Variants in MALRD1 observed in about 807,000 individuals in gnomAD.
The protein encoded by MALRD1 is MAM and LDL-receptor class A domain-containing protein 1.
Under a neutral mutation model 242.1 loss-of-function variants are expected in MALRD1, and 247 were observed. The observed-to-expected ratio is 1.02, with a 90% CI of 0.92 to 1.13. The LOEUF (loss-of-function observed/expected upper bound fraction) is 1.13, where lower values mean the gene tolerates loss of function less well. MALRD1 is among the 50% of genes most tolerant of loss of function. The probability of loss-of-function intolerance (pLI) is 0.00; values close to 1 mark genes in which losing one functional copy is unlikely to be tolerated. For synonymous variants in MALRD1, 995 were observed against 866.6 expected (o/e 1.15, Z -2.60); for missense variants, 2,989 against 2,533.1 (o/e 1.18, Z -3.86).
At chr10:19,411,053 C>T (rs1833259389) in intron 28 of MALRD1, among the ~76,000 whole-genome samples, 1 of 152,010 alleles carries the variant, frequency 6.6e-6, no homozygotes, top group African/African-American at 2.4e-5. Flanking sequence ...AATATGAAAT[C>T]TGCGACTTTT....
chr10:19,103,237 G>GAGGATGAC (rs1836332661), intron 4 of MALRD1, among the ~76,000 whole-genome samples: 1 of 152,124 alleles, frequency 6.6e-6, no homozygotes, highest in Non-Finnish European at 1.5e-5. Context: ...AGGTTAGCAT[G>GAGGATGAC]AGGATGACAT....
At chr10:19,432,767 A>C (rs74118947) in intron 28 of MALRD1, among the ~76,000 whole-genome samples, 1 of 152,338 alleles carries the variant, frequency 6.6e-6, no homozygotes, top group African/African-American at 2.4e-5. Context: ...TTTGAAGAGA[A>C]AAAGCCAATC....
chr10:19,576,133 A>T (rs77542340), intron 33 of MALRD1, among the ~76,000 whole-genome samples: 1 of 152,252 alleles, frequency 6.6e-6, no homozygotes, highest in African/African-American at 2.4e-5. Context: ...GAGGTTGACA[A>T]CATTCAAGGG....
At chr10:19,060,472 C>T (rs1834791133) in intron 1 of MALRD1, among the ~76,000 whole-genome samples, 2 of 152,056 alleles carry the variant, frequency 1.3e-5, no homozygotes. Flanking sequence ...AATCTACCTC[C>T]TGCAAAGTCA....
At chr10:19,149,171 A>G (rs1833845952) in intron 11 of MALRD1, among the ~76,000 whole-genome samples, 2 of 151,818 alleles carry the variant, frequency 1.3e-5, no homozygotes, top group South Asian at 4.1e-4. Flanking sequence ...GCTGGAGTGC[A>G]GTGGTGTGAT....
At chr10:19,668,151 G>A (rs1278431684) in intron 36 of MALRD1, among the ~76,000 whole-genome samples, 2 of 152,082 alleles carry the variant, frequency 1.3e-5, no homozygotes, top group African/African-American at 2.4e-5. Context: ...AGATACAAAC[G>A]TTCAGACCAT....
intron 38 of MALRD1, chr10:19,728,530 A>C (rs1464735361): frequency 6.6e-6 from 1 of 152,096 alleles, no homozygotes; most frequent in Non-Finnish European, 1.5e-5. Flanking sequence ...ACTGACGGCC[A>C]AGCTGGTCCC....
intron 26 of MALRD1, among the ~76,000 whole-genome samples, chr10:19,356,242 A>G (rs776625261): frequency 6.6e-6 from 1 of 152,058 alleles, no homozygotes; most frequent in Non-Finnish European, 1.5e-5. Flanking sequence ...TCTATATGTA[A>G]ATCTGTAACT....
intron 26 of MALRD1, among the ~76,000 whole-genome samples, chr10:19,364,609 A>G (rs1402193406): frequency 1.3e-5 from 2 of 152,124 alleles, no homozygotes; most frequent in African/African-American, 4.8e-5. Flanking sequence ...AGTTAAATGA[A>G]AACCAAAAAT....
intron 2 of MALRD1, among the ~76,000 whole-genome samples, chr10:19,068,929 A>C (rs1835059311): frequency 6.6e-6 from 1 of 152,130 alleles, no homozygotes; most frequent in African/African-American, 2.4e-5. Flanking sequence ...AAGCTCAGGG[A>C]AAGAAGGATT....
chr10:19,315,768 A>C (rs1295284001), intron 21 of MALRD1, among the ~76,000 whole-genome samples: 1 of 141,760 alleles, frequency 7.1e-6, no homozygotes, highest in Non-Finnish European at 1.5e-5. Flanking sequence ...ATATATATGT[A>C]TATAATATGT....
chr10:19,481,370 TATC>T (rs1401473754), intron 29 of MALRD1, among the ~76,000 whole-genome samples: 2 of 152,212 alleles, frequency 1.3e-5, no homozygotes, highest in African/African-American at 4.8e-5. Flanking sequence ...AGACTTAAAT[TATC>T]ATGGTGAATC....
At position 19,257,724 on chromosome 10, in the gene MALRD1, A is replaced by G; in HGVS notation, c.3032A>G (p.Asp1011Gly). 6.5e-7 allele frequency: 1 copy of G among 1,541,934 alleles called. No individual in the cohort carries two copies. Among genetic ancestry groups the G allele is most frequent in the Non-Finnish European group, 8.8e-7 (1 of 1,142,032 alleles). The change falls in exon 19 of 40, where the codon GAT (aspartate) becomes GGT (glycine). Residue 1011 changes from aspartate (D) to glycine (G), a missense_variant. Physicochemically the swap from Asp to Gly is moderately conservative, Grantham distance 94. Transcript: ENST00000454679. ...TCAGTGGGAGATGGCTTCACTGGAG[A>G]TATTGCGATTGATGATCTGTCATTT... ...EASVGDGFTGDIAIDDLSFMD... is the reference protein window; with the variant it reads ...EASVGDGFTGGIAIDDLSFMD...
At chr10:19,430,412 G>A (rs971536239) in intron 28 of MALRD1, among the ~76,000 whole-genome samples, 1 of 151,834 alleles carries the variant, frequency 6.6e-6, no homozygotes, top group Admixed American at 6.6e-5. Flanking sequence ...ACCATGCCCC[G>A]GCCTCCTCAT....
intron 21 of MALRD1, among the ~76,000 whole-genome samples, chr10:19,296,076 C>T (rs984216779): frequency 2.0e-5 from 3 of 151,914 alleles, no homozygotes; most frequent in African/African-American, 7.3e-5. Flanking sequence ...TGATGGTGGA[C>T]ATGGTTGTAT....
At chr10:19,561,691 G>A (rs980357891) in intron 32 of MALRD1, among the ~76,000 whole-genome samples, 4 of 148,234 alleles carry the variant, frequency 2.7e-5, no homozygotes, top group Admixed American at 1.4e-4. Flanking sequence ...CCTGAGTTGT[G>A]TCCTTTACAA....
chr10:19,297,085 A>T (rs1458465718), intron 21 of MALRD1, among the ~76,000 whole-genome samples: 3 of 150,182 alleles, frequency 2.0e-5, no homozygotes, highest in African/African-American at 7.3e-5. Context: ...TATTATCTTT[A>T]TTTATATATA....
At chr10:19,257,371 T>A (rs76107853) in intron 18 of MALRD1, among the ~76,000 whole-genome samples, 2,308 of 152,144 alleles carry the variant, frequency 0.015, 62 homozygotes, top group African/African-American at 0.053. Flanking sequence ...ACAACACAAA[T>A]CTAGAACTAA....
intron 31 of MALRD1, among the ~76,000 whole-genome samples, chr10:19,513,063 C>T (rs1181419104): frequency 6.6e-6 from 1 of 152,142 alleles, no homozygotes. Context: ...GTCAATCTTA[C>T]TGTGTTCACT....
Sources: gnomAD v4.1 joint callset for allele counts (sites outside exome capture counted in the v4.1 genomes callset) on GRCh38, gnomAD v4.1.1 for gene constraint, MANE v1.5 for transcripts, NCBI Gene and HGNC (gene_info 2026-07-23, HGNC 2026-07-21) for gene names.